Variants in CLDN2 observed in about 807,000 individuals in gnomAD.
CLDN2 encodes claudin-2.
In CLDN2, 1 loss-of-function variant was observed where a neutral mutation model predicts 8.2. The ratio of observed to expected loss-of-function variants is 0.12; its 90% CI spans 0.04 to 0.58. The LOEUF (loss-of-function observed/expected upper bound fraction) is 0.58. Ranked by LOEUF, CLDN2 falls within the 20% of genes least tolerant of loss-of-function variation. The pLI is 0.90. For synonymous variants in CLDN2, 70 were observed against 70.2 expected (o/e 1.00, Z 0.01); for missense variants, 108 against 172.9 (o/e 0.62, Z 2.11).
Position 106,928,788 on chromosome X carries a change from C to A in CLDN2, c.560C>A (p.Ser187Tyr), listed in dbSNP as rs377500294. The change falls in exon 2 of 2, where the codon TCC becomes TAC. Residue 187 changes from serine (S) to tyrosine (Y), a missense_variant. Ser to Tyr is a moderately radical substitution (Grantham distance 144, BLOSUM62 -2). Transcript: ENST00000336803. ...AGIILCFSCS[S>Y]QRNRSNYYDA... ...ATCATCCTCTGCTTTTCCTGCTCAT[C>A]CCAGAGAAATCGCTCCAACTACTAC... The A allele has an allele frequency of 8.3e-7, 1 of 1,209,477 alleles. No homozygotes were observed. Among genetic ancestry groups the A allele is most frequent in the Admixed American group, 2.2e-5 (1 of 45,754 alleles).
chrX:106,904,172 C>G (rs1037687911), intron 1 of CLDN2, among the ~76,000 whole-genome samples: 137 of 112,329 alleles, frequency 1.2e-3, no homozygotes, highest in Non-Finnish European at 1.3e-3. Context: ...GGGTGCTGGC[C>G]CAGTGGTCTC....
At chrX:106,900,537 C>T (rs41300153) in intron 1 of CLDN2, 9,046 of 624,505 alleles carry the variant, frequency 0.014, 65 homozygotes, top group Middle Eastern at 0.024. Flanking sequence ...GCTAGATGAC[C>T]CAATTTTCAG....
chrX:106,914,952 A>G (rs945423629), upstream of CLDN2, among the ~76,000 whole-genome samples: 9 of 111,930 alleles, frequency 8.0e-5, no homozygotes, highest in African/African-American at 2.9e-4. Flanking sequence ...GCATAGAATT[A>G]TGTAACAACA....
At chrX:106,923,474 G>A (rs1036852549) in intron 1 of CLDN2, among the ~76,000 whole-genome samples, 11 of 112,204 alleles carry the variant, frequency 9.8e-5, no homozygotes, top group African/African-American at 3.6e-4. Flanking sequence ...CTGAACTATG[G>A]TTTAGGGCAG....
upstream of CLDN2, among the ~76,000 whole-genome samples, chrX:106,915,888 C>T (rs1933304052): frequency 9.0e-6 from 1 of 110,541 alleles, no homozygotes; most frequent in Non-Finnish European, 1.9e-5. Flanking sequence ...CCCTTCTTAC[C>T]ACAATCTCTT....
At chrX:106,904,517 C>A (rs747043812) in intron 1 of CLDN2, among the ~76,000 whole-genome samples, 20 of 112,243 alleles carry the variant, frequency 1.8e-4, no homozygotes, top group Non-Finnish European at 3.6e-4. Context: ...CAACTGAATG[C>A]CAAGCAGGTG....
chrX:106,921,355 G>T (rs1172274073), intron 1 of CLDN2, among the ~76,000 whole-genome samples: 1 of 112,573 alleles, frequency 8.9e-6, no homozygotes, highest in Non-Finnish European at 1.9e-5. Context: ...AAACTTTCAA[G>T]AAAGTAGGGC....
chrX:106,910,888 A>G (rs1356196568), intron 1 of CLDN2, among the ~76,000 whole-genome samples: 1 of 111,991 alleles, frequency 8.9e-6, no homozygotes, highest in Non-Finnish European at 1.9e-5. Context: ...CTTGGGCGCT[A>G]TAGCTAGACT....
rs917374027 is a variant in CLDN2 at position 106,903,420 on chromosome X, A to G, written c.-179+2916A>G. ...ATTCAGGGAGGACAGGGGTGGGATG[A>G]CTTGGGAGGGGGATAAAGATTTAGG... On this transcript the variant is annotated intron_variant, in intron 1 of 1. Transcript: ENST00000541806. 3.4e-5 allele frequency: 23 copies of G among 670,125 alleles called. No homozygotes were observed. In the African/African-American group the frequency reaches 5.0e-4, roughly 15 times the overall value. 55.2% of individuals were successfully genotyped at this position (670,125 alleles called of 1,213,427 possible).
chrX:106,922,972 AT>A (rs57514922), intron 1 of CLDN2, among the ~76,000 whole-genome samples: 31,210 of 77,910 alleles, frequency 0.4, 5,108 homozygotes, highest in Middle Eastern at 0.57. Context: ...AGCTCTGAAG[AT>A]TTTTTTTTTT....
In CLDN2 at chrX:106,928,742, C is replaced by T; in HGVS notation, c.514C>T (p.Leu172=). Residue 172 remains leucine (L), a synonymous_variant, in exon 2 of 2, where the codon CTG becomes TTG. Coordinates refer to ENST00000336803, the MANE Select transcript of CLDN2 (RefSeq NM_020384.4). The stretch of plus-strand genomic sequence containing the variant: ...TCTTTACTTGGGCATTATTTCTTCC[C>T]TGTTCTCCCTGATAGCTGGAATCAT... The part of the protein sequence containing the change: ...EALYLGIISS[L]FSLIAGIILC... 8.3e-7 allele frequency: 1 copy of T among 1,211,388 alleles called. No individual in the cohort carries two copies. Among genetic ancestry groups the T allele is most frequent in the Non-Finnish European group, 1.1e-6 (1 of 895,430 alleles).
intron 1 of CLDN2, among the ~76,000 whole-genome samples, chrX:106,927,668 G>A (rs888147977): frequency 8.9e-6 from 1 of 112,348 alleles, no homozygotes; most frequent in African/African-American, 3.2e-5. Context: ...CTACATTCTA[G>A]GATCTGTTCC....
At position 106,908,562 on chromosome X, in the gene CLDN2, CTTTTCT is replaced by C. The variant is rs1271153288; in HGVS notation, c.-179+8063_-179+8068del. 2.9e-3 allele frequency among the ~76,000 whole-genome samples: 295 copies of C among 102,039 alleles called. 1 individual carries two copies. The highest frequency in any genetic ancestry group is 9.1e-3 in the African/African-American group (253 of 27,681). The allele number at this position is 102,039 out of a possible 115,157, so 88.6% of individuals were successfully genotyped here. On this transcript the variant is annotated intron_variant, in intron 1 of 1. Coordinates refer to the CLDN2 transcript ENST00000541806. ...ACAGTGTATTTTTTTTCTTTCTTTT[CTTTTCT>C]TTTTTTTTTTTTTTGTTGTTGTTTT...
chrX:106,915,358 T>A (rs1342408399), upstream of CLDN2, among the ~76,000 whole-genome samples: 2 of 112,242 alleles, frequency 1.8e-5, no homozygotes, highest in Non-Finnish European at 3.8e-5. Flanking sequence ...AGAGCTCTCC[T>A]CAATTGGGAT....
intron 1 of CLDN2, among the ~76,000 whole-genome samples, chrX:106,909,171 G>A (rs1293708457): frequency 8.9e-6 from 1 of 112,191 alleles, no homozygotes; most frequent in African/African-American, 3.2e-5. Context: ...TATACGCCAG[G>A]CATTATTCTA....
At chrX:106,916,884 C>CA (rs1242084743), upstream of CLDN2, among the ~76,000 whole-genome samples, 1 of 111,351 alleles carries the variant, frequency 9.0e-6, no homozygotes, top group East Asian at 2.8e-4. Context: ...CCCATCTCTA[C>CA]AAAAAAATTA....
At chrX:106,910,720 A>C (rs1272407437) in intron 1 of CLDN2, among the ~76,000 whole-genome samples, 1 of 110,370 alleles carries the variant, frequency 9.1e-6, no homozygotes, top group Admixed American at 9.6e-5. Context: ...CAAAAAAAAA[A>C]AGCCATAAAA....
At position 106,929,228 on chromosome X, in the gene CLDN2, C is replaced by T. The variant is rs1933512714; in HGVS notation, c.*307C>T. ...CCTTAAGCCAGGACTCAGAGGATCC[C>T]TTTGCCCTCTGGTTTACCTGGGACT... On this transcript the variant is annotated 3_prime_UTR_variant, in exon 2 of 2. Coordinates refer to ENST00000336803, the MANE Select transcript of CLDN2 (RefSeq NM_020384.4). 2 of 314,250 alleles carry T rather than the reference C, an allele frequency of 6.4e-6. No homozygotes were observed. The highest frequency in any genetic ancestry group is 5.3e-5 in the African/African-American group (2 of 37,650). The allele number at this position is 314,250 out of a possible 1,213,427, so 25.9% of individuals were successfully genotyped here. A position where few individuals can be genotyped will look rare whatever the true frequency, so the allele number is the denominator to read the frequency against.
chrX:106,918,242 A>C (rs1933341133), upstream of CLDN2: 2 of 111,959 alleles, frequency 1.8e-5, no homozygotes, highest in African/African-American at 6.5e-5. Flanking sequence ...AGCCTGGGAA[A>C]AGAAAATGGA....
Sources: allele counts gnomAD v4.1 joint callset (sites outside exome capture counted in the v4.1 genomes callset), GRCh38; gene constraint gnomAD v4.1.1; transcripts MANE v1.5; gene names NCBI Gene and HGNC (gene_info 2026-07-23, HGNC 2026-07-21).